Variants in ARHGAP15 observed in about 807,000 individuals in gnomAD.
ARHGAP15 encodes the protein rho GTPase-activating protein 15.
In ARHGAP15, 51 loss-of-function variants were observed where a neutral mutation model predicts 63.7. That is an observed-to-expected ratio of 0.80 (90% CI 0.64 to 1.01). The LOEUF (loss-of-function observed/expected upper bound fraction) is 1.01. ARHGAP15 is among the 50% of genes least tolerant of loss of function. The probability of loss-of-function intolerance (pLI) is 0.00; values close to 1 mark genes in which losing one functional copy is unlikely to be tolerated. For synonymous variants in ARHGAP15, 191 were observed against 193.8 expected (o/e 0.99, Z 0.12); for missense variants, 560 against 564.6 (o/e 0.99, Z 0.08).
chr2:143,463,231 T>C (rs192854437), intron 8 of ARHGAP15, among the ~76,000 whole-genome samples: 483 of 146,258 alleles, frequency 3.3e-3, no homozygotes, highest in African/African-American at 0.011. Flanking sequence ...TGGCCTAGTC[T>C]GATATATCCA....
chr2:143,687,450 G>A (rs1403205149), intron 12 of ARHGAP15, among the ~76,000 whole-genome samples: 1 of 152,168 alleles, frequency 6.6e-6, no homozygotes, highest in African/African-American at 2.4e-5. Context: ...ACATGGCACT[G>A]CAGGGTCCTT....
intron 8 of ARHGAP15, among the ~76,000 whole-genome samples, chr2:143,479,146 C>A (rs1472710018): frequency 6.6e-6 from 1 of 152,212 alleles, no homozygotes; most frequent in Non-Finnish European, 1.5e-5. Flanking sequence ...TGCCACTCAA[C>A]TGAAATACTG....
At chr2:143,345,143 T>C (rs1685214857) in intron 6 of ARHGAP15, among the ~76,000 whole-genome samples, 1 of 152,174 alleles carries the variant, frequency 6.6e-6, no homozygotes, top group Non-Finnish European at 1.5e-5. Flanking sequence ...AGCAAGTGGA[T>C]TTATTTTCAA....
chr2:143,341,125 C>T (rs1574302898), intron 6 of ARHGAP15, among the ~76,000 whole-genome samples: 1 of 152,142 alleles, frequency 6.6e-6, no homozygotes, highest in East Asian at 1.9e-4. Flanking sequence ...GCGGGTCCTG[C>T]TTTTGTGGTC....
At chr2:143,752,785 C>T (rs1202110433) in intron 13 of ARHGAP15, among the ~76,000 whole-genome samples, 4 of 152,128 alleles carry the variant, frequency 2.6e-5, no homozygotes. Context: ...CTCTGGGGCA[C>T]ATAGAGCCTG....
chr2:143,153,847 TCCTCCTCCTCCTCCTCC>T (rs1689961684), intron 1 of ARHGAP15, among the ~76,000 whole-genome samples: 1 of 74,356 alleles, frequency 1.3e-5, no homozygotes, highest in Admixed American at 1.8e-4. Flanking sequence ...TTCTTCTTCC[TCCTCCTCCTCCTCCTCC>T]TCCTCCTCTT....
intron 6 of ARHGAP15, among the ~76,000 whole-genome samples, chr2:143,407,136 AGTTT>A (rs1688231584): frequency 1.3e-5 from 2 of 151,902 alleles, no homozygotes; most frequent in African/African-American, 4.8e-5. Context: ...GAATATTGAA[AGTTT>A]ATTTCACATT....
intron 6 of ARHGAP15, among the ~76,000 whole-genome samples, chr2:143,262,542 T>C (rs1056877174): frequency 8.9e-5 from 13 of 146,320 alleles, no homozygotes; most frequent in African/African-American, 3.3e-4. Flanking sequence ...TTGATTTTTT[T>C]TTTTTTTTTT....
At chr2:143,504,302 T>C (rs1484224139) in intron 9 of ARHGAP15, among the ~76,000 whole-genome samples, 1 of 152,334 alleles carries the variant, frequency 6.6e-6, no homozygotes, top group Non-Finnish European at 1.5e-5. Context: ...GGACCTAGCA[T>C]GTGGCAAGCC....
rs376664700 is a variant in ARHGAP15, at chr2:143,134,637, T to C, written c.-15+5171T>C. 9.4e-4 allele frequency among the ~76,000 whole-genome samples: 11 copies of C among 11,720 alleles called. 1 individual carries two copies. In the East Asian group the frequency reaches 9.7e-3, roughly 10 times the overall value. 7.7% of individuals were successfully genotyped at this position (11,720 alleles called of 152,430 possible). On this transcript the variant is annotated intron_variant, in intron 1 of 13. Transcript: ENST00000295095. ...TGAAATGCTGTATTCCTTTTCTTTT[T>C]TTTTTTTTTTTTTTTGAGACGGAGT...
intron 8 of ARHGAP15, among the ~76,000 whole-genome samples, chr2:143,452,118 A>G (rs1364632639): frequency 3.3e-5 from 5 of 151,994 alleles, no homozygotes; most frequent in African/African-American, 1.2e-4. Context: ...TTATAGGTGC[A>G]TGGCTGGATG....
intron 12 of ARHGAP15, among the ~76,000 whole-genome samples, chr2:143,663,568 T>TTAAC (rs1305459622): frequency 1.3e-5 from 2 of 151,296 alleles, no homozygotes; most frequent in Non-Finnish European, 2.9e-5. Context: ...CATAACAATA[T>TTAAC]TAACTTTAAA....
At chr2:143,712,939 A>G (rs1684646595) in intron 13 of ARHGAP15, among the ~76,000 whole-genome samples, 1 of 152,228 alleles carries the variant, frequency 6.6e-6, no homozygotes, top group South Asian at 2.1e-4. Flanking sequence ...CCAGAAGGGC[A>G]GAAATTTGTG....
intron 13 of ARHGAP15, among the ~76,000 whole-genome samples, chr2:143,745,939 C>CA (rs1458150482): frequency 6.6e-6 from 1 of 152,166 alleles, no homozygotes; most frequent in Admixed American, 6.5e-5. Context: ...TTTCCTTGTT[C>CA]AAGTTGATCT....
intron 6 of ARHGAP15, among the ~76,000 whole-genome samples, chr2:143,261,089 G>A (rs550064665): frequency 3.9e-5 from 6 of 152,220 alleles, no homozygotes; most frequent in Non-Finnish European, 7.4e-5. Flanking sequence ...CTAGGTTTTA[G>A]TCATAAGTTG....
At chr2:143,396,590 A>G (rs1687771110) in intron 6 of ARHGAP15, among the ~76,000 whole-genome samples, 1 of 149,116 alleles carries the variant, frequency 6.7e-6, no homozygotes, top group Non-Finnish European at 1.5e-5. Context: ...CTCCATATAA[A>G]TATTCCAAAG....
At chr2:143,475,312 C>T (rs115245560) in intron 8 of ARHGAP15, among the ~76,000 whole-genome samples, 2,046 of 152,312 alleles carry the variant, frequency 0.013, 37 homozygotes, top group African/African-American at 0.046. Flanking sequence ...ATCACTTAGC[C>T]GTAGACGACA....
At chr2:143,333,463 C>T (rs934689405) in intron 6 of ARHGAP15, among the ~76,000 whole-genome samples, 1 of 152,088 alleles carries the variant, frequency 6.6e-6, no homozygotes, top group Non-Finnish European at 1.5e-5. Flanking sequence ...CAAAAAGAAA[C>T]GAATTTTCAG....
At chr2:143,587,619 G>T in intron 11 of ARHGAP15, 1 of 415,490 alleles carries the variant, frequency 2.4e-6, no homozygotes, top group Non-Finnish European at 4.9e-6. Context: ...CCTTGCTTTA[G>T]TTGGCTTTTC....
Sources: gnomAD v4.1 joint callset for allele counts (sites outside exome capture counted in the v4.1 genomes callset) on GRCh38, gnomAD v4.1.1 for gene constraint, MANE v1.5 for transcripts, NCBI Gene and HGNC (gene_info 2026-07-23, HGNC 2026-07-21) for gene names.